The following ENOX2 variants were observed in gnomAD, a reference collection of about 807,000 sequenced individuals.
ENOX2 encodes the protein APK1 antigen.
A neutral mutation model predicts 45.0 loss-of-function variants in ENOX2; 36 were observed. The ratio of observed to expected loss-of-function variants is 0.80; its 90% CI spans 0.61 to 1.06. ENOX2 has a LOEUF of 1.06. Ranked by LOEUF, ENOX2 falls within the 50% of genes least tolerant of loss-of-function variation. The probability of loss-of-function intolerance (pLI) is 0.00; values close to 1 mark genes in which losing one functional copy is unlikely to be tolerated. For synonymous variants in ENOX2, 174 were observed against 152.3 expected, an observed-to-expected ratio of 1.14 and a Z score of -1.05; for missense variants, 423 against 462.5, an observed-to-expected ratio of 0.91 and a Z score of 0.78.
At chrX:130,814,905 T>C (rs1425932350) in intron 2 of ENOX2, among the ~76,000 whole-genome samples, 16 of 111,634 alleles carry the variant, frequency 1.4e-4, no homozygotes, top group South Asian at 1.1e-3. Flanking sequence ...GTTTGATGAA[T>C]TGACAGAAGT....
At chrX:130,816,920 G>A in intron 2 of ENOX2, among the ~76,000 whole-genome samples, 1 of 111,554 alleles carries the variant, frequency 9.0e-6, no homozygotes, top group Admixed American at 9.5e-5. Context: ...GATCAGAGCA[G>A]AACTGAAGGA....
At position 130,627,575 on chromosome X, in the gene ENOX2, T is replaced by C. The variant is rs1281216559; in HGVS notation, c.1614+383A>G. On this transcript the variant is annotated intron_variant, in intron 14 of 14. Coordinates refer to ENST00000394363, the MANE Select transcript of ENOX2 (RefSeq NM_006375.4). Reference sequence around the variant, plus strand: ...CAGCCTGGGCAACAGAGTGAGACCCTGTCTCAAAAAAAAAAGTTTGGTGGG... The same window carrying C: ...CAGCCTGGGCAACAGAGTGAGACCCCGTCTCAAAAAAAAAAGTTTGGTGGG... Among the ~76,000 whole-genome samples, 3 of 111,178 alleles carry C rather than the reference T, an allele frequency of 2.7e-5. No homozygotes were observed. The East Asian group carries it at 8.4e-4, about 31-fold the overall frequency.
intron 2 of ENOX2, among the ~76,000 whole-genome samples, chrX:130,823,310 G>C (rs2077652883): frequency 8.9e-6 from 1 of 112,001 alleles, no homozygotes; most frequent in African/African-American, 3.3e-5. Flanking sequence ...GTGTTGGTGA[G>C]TGGCAGCAGA....
intron 3 of ENOX2, among the ~76,000 whole-genome samples, chrX:130,738,678 T>C (rs1184633177): frequency 8.9e-6 from 1 of 112,296 alleles, no homozygotes; most frequent in Non-Finnish European, 1.9e-5. Context: ...TTTAAGTTTT[T>C]GGCAAATCAC....
chrX:130,659,277 C>G (rs2036622973), intron 9 of ENOX2, among the ~76,000 whole-genome samples: 1 of 112,120 alleles, frequency 8.9e-6, no homozygotes, highest in African/African-American at 3.2e-5. Context: ...TGATTTCTAT[C>G]TCAAGTTAAG....
At chrX:130,664,705 T>A (rs1331716479) in intron 9 of ENOX2, among the ~76,000 whole-genome samples, 1 of 112,498 alleles carries the variant, frequency 8.9e-6, no homozygotes, top group Non-Finnish European at 1.9e-5. Flanking sequence ...GAGATTTGAA[T>A]TCATGTCTGG....
At chrX:130,701,190 G>A (rs927290757) in intron 4 of ENOX2, among the ~76,000 whole-genome samples, 7 of 111,043 alleles carry the variant, frequency 6.3e-5, no homozygotes, top group Admixed American at 9.6e-5. Flanking sequence ...GGAACACAGC[G>A]CAGATGTGGC....
chrX:130,630,210 C>T (rs2148005920), intron 13 of ENOX2, among the ~76,000 whole-genome samples: 1 of 111,190 alleles, frequency 9.0e-6, no homozygotes. Flanking sequence ...GTGTCCAAAA[C>T]ACCAGTTTCC....
chrX:130,851,450 A>AT (rs1241058687), intron 2 of ENOX2, among the ~76,000 whole-genome samples: 139 of 101,890 alleles, frequency 1.4e-3, no homozygotes, highest in African/African-American at 4.3e-3. Context: ...AAATGGATGT[A>AT]TTTTTTTTTT....
Position 130,623,216 on chromosome X carries a change from A to C in ENOX2, c.*2098T>G, listed in dbSNP as rs945979103. Among the ~76,000 whole-genome samples the C allele has an allele frequency of 1.4e-4, 16 of 111,913 alleles. No homozygotes were observed. The highest frequency in any genetic ancestry group is 4.6e-3 in the Middle Eastern group (1 of 219). On this transcript the variant is annotated 3_prime_UTR_variant, in exon 15 of 15. Coordinates refer to ENST00000394363, the MANE Select transcript of ENOX2 (RefSeq NM_006375.4). ...TAGTATATTCAAGCAAACTGGGAGG[A>C]GTATACCTATACTAAACTGGCAGGA... is the stretch of plus-strand genomic sequence containing the variant.
At chrX:130,658,956 G>C (rs1345182059) in intron 9 of ENOX2, among the ~76,000 whole-genome samples, 1 of 112,079 alleles carries the variant, frequency 8.9e-6, no homozygotes, top group East Asian at 2.8e-4. Flanking sequence ...GAAGAACACT[G>C]AAAATGATTA....
rs749748386 is a variant in ENOX2 at position 130,751,224 on chromosome X, G to A, written c.-39+32323C>T. ...CCCTTCCTCCCTTCCCCTAGCCACC[G>A]GCAACCACCAATCTACTTTCTGTCT... On this transcript the variant is annotated intron_variant, in intron 3 of 14. Coordinates refer to ENST00000394363, the MANE Select transcript of ENOX2 (RefSeq NM_006375.4). Among the ~76,000 whole-genome samples, 74 of 111,413 alleles carry A rather than the reference G, an allele frequency of 6.6e-4. 1 individual carries two copies. Among genetic ancestry groups the A allele is most frequent in the African/African-American group, 2.3e-3 (72 of 30,674 alleles).
intron 2 of ENOX2, among the ~76,000 whole-genome samples, chrX:130,801,447 G>T (rs1410505318): frequency 9.0e-6 from 1 of 111,727 alleles, no homozygotes; most frequent in Non-Finnish European, 1.9e-5. Context: ...TCGGATAAAT[G>T]TTTTTACTGA....
chrX:130,645,131 T>A (rs937361614), intron 10 of ENOX2, among the ~76,000 whole-genome samples: 2 of 111,985 alleles, frequency 1.8e-5, no homozygotes, highest in South Asian at 3.8e-4. Flanking sequence ...TTATATGTAA[T>A]TATTTATGGT....
At chrX:130,645,514 T>A (rs900257051) in intron 10 of ENOX2, among the ~76,000 whole-genome samples, 1 of 113,008 alleles carries the variant, frequency 8.8e-6, no homozygotes, top group South Asian at 3.6e-4. Context: ...ACATGCCAAA[T>A]TAATGGAAAC....
At chrX:130,832,769 G>A (rs2077859303) in intron 2 of ENOX2, among the ~76,000 whole-genome samples, 1 of 110,158 alleles carries the variant, frequency 9.1e-6, no homozygotes, top group Admixed American at 9.7e-5. Context: ...GGGTCTCCTA[G>A]GCCTGTCTAT....
At chrX:130,720,666 T>C (rs1035550722) in intron 3 of ENOX2, among the ~76,000 whole-genome samples, 3 of 111,933 alleles carry the variant, frequency 2.7e-5, no homozygotes, top group Non-Finnish European at 5.6e-5. Flanking sequence ...CCAGGGGTAA[T>C]ATTTTCTAGT....
intron 2 of ENOX2, among the ~76,000 whole-genome samples, chrX:130,869,989 G>C (rs1351671525): frequency 8.9e-6 from 1 of 111,805 alleles, no homozygotes; most frequent in Admixed American, 9.5e-5. Flanking sequence ...TTTTATGAAA[G>C]AGAGAGAGGA....
intron 2 of ENOX2, among the ~76,000 whole-genome samples, chrX:130,867,103 A>G (rs2078503029): frequency 8.9e-6 from 1 of 111,835 alleles, no homozygotes; most frequent in Non-Finnish European, 1.9e-5. Flanking sequence ...CTATTTTCTA[A>G]AACAAATTAA....
Sources: gnomAD v4.1 joint callset for allele counts (sites outside exome capture counted in the v4.1 genomes callset) on GRCh38, gnomAD v4.1.1 for gene constraint, MANE v1.5 for transcripts, NCBI Gene and HGNC (gene_info 2026-07-23, HGNC 2026-07-21) for gene names.